SLC36A3: variants seen among roughly 807,000 people sequenced by gnomAD.
The protein encoded by SLC36A3 is solute carrier family 36 member 3.
SLC36A3 carries 35 observed loss-of-function variants against 44.3 expected under a neutral mutation model. That is an observed-to-expected ratio of 0.79 (90% CI 0.60 to 1.05). The LOEUF (loss-of-function observed/expected upper bound fraction) is 1.05, where lower values mean the gene tolerates loss of function less well. Ranked by LOEUF, SLC36A3 falls within the 50% of genes least tolerant of loss-of-function variation. The probability of loss-of-function intolerance (pLI) is 0.00; values close to 1 mark genes in which losing one functional copy is unlikely to be tolerated. For missense variants in SLC36A3, 540 were observed against 578.7 expected, an observed-to-expected ratio of 0.93 and a Z score of 0.69; for synonymous variants, 211 against 227.6, an observed-to-expected ratio of 0.93 and a Z score of 0.66.
chr5:151,292,643 A>G (rs1485951365), intron 4 of SLC36A3, among the ~76,000 whole-genome samples: 2 of 152,224 alleles, frequency 1.3e-5, no homozygotes, highest in Non-Finnish European at 2.9e-5. Flanking sequence ...GAATAAGCAA[A>G]TGAAACGGAT....
At chr5:151,283,874 G>A (rs78908472) in intron 8 of SLC36A3, among the ~76,000 whole-genome samples, 170 bp downstream of exon 8, 3 of 152,374 alleles carry the variant, frequency 2.0e-5, no homozygotes, top group East Asian at 3.9e-4. Context: ...TTGGAGTGAG[G>A]TGCGGCCATG....
At chr5:151,289,681 T>C (rs1754684643) in intron 4 of SLC36A3, among the ~76,000 whole-genome samples, 1 of 152,168 alleles carries the variant, frequency 6.6e-6, no homozygotes, top group African/African-American at 2.4e-5. Context: ...CCAATTGTCT[T>C]ATAGAACGCC....
intron 1 of SLC36A3, among the ~76,000 whole-genome samples, chr5:151,299,254 C>CTATA (rs1333895300): frequency 3.6e-4 from 31 of 87,134 alleles, no homozygotes; most frequent in East Asian, 8.8e-4. Context: ...CTCTCTCTCT[C>CTATA]TCTCTCTCTC....
rs771475003 is a variant in SLC36A3, at chr5:151,303,278, C to T, written c.77G>A (p.Ser26Asn). ...GACATTCTCTGAAGTAATGCTACTG[C>T]TGCTCTCTGAGGGTGACTGAGGTCC... ...DNGPQSPSES[S>N]SSITSENVHP... The change falls in exon 1 of 10, where the codon AGC becomes AAC. Residue 26 changes from serine to asparagine, a missense_variant. Physicochemically the swap from Ser to Asn is conservative, Grantham distance 46. Coordinates refer to ENST00000335230, the MANE Select transcript of SLC36A3 (RefSeq NM_181774.4). 63 of 1,613,998 alleles carry T rather than the reference C, an allele frequency of 3.9e-5. No individual in the cohort carries two copies. Among genetic ancestry groups the T allele is most frequent in the Non-Finnish European group, 5.0e-5 (59 of 1,180,010 alleles).
intron 4 of SLC36A3, among the ~76,000 whole-genome samples, chr5:151,291,452 G>A (rs1028468784): frequency 6.6e-6 from 1 of 151,720 alleles, no homozygotes; most frequent in Non-Finnish European, 1.5e-5. Context: ...TTTTTTCCTT[G>A]CAACTTTTAA....
At chr5:151,296,148 G>C (rs2127269874) in intron 3 of SLC36A3, 32 bp downstream of exon 3, 1 of 1,611,048 alleles carries the variant, frequency 6.2e-7, no homozygotes, top group Non-Finnish European at 8.5e-7. Context: ...AGGGGCCCCA[G>C]TGCTGGAATG....
At chr5:151,293,563 G>T in intron 3 of SLC36A3, 104 bp from the exon 4 acceptor site, 1 of 896,842 alleles carries the variant, frequency 1.1e-6, no homozygotes. Context: ...TGAGCATGAA[G>T]CCTTCTGTCA....
chr5:151,296,317 C>T (rs1361535499), intron 2 of SLC36A3, 49 bp from the exon 3 acceptor site: 1 of 1,502,940 alleles, frequency 6.7e-7, no homozygotes, highest in Non-Finnish European at 9.2e-7. Context: ...TGATCACTCC[C>T]ATTCCCTGGC....
chr5:151,292,115 C>T (rs1399605651), intron 4 of SLC36A3, among the ~76,000 whole-genome samples: 1 of 152,172 alleles, frequency 6.6e-6, no homozygotes, highest in African/African-American at 2.4e-5. Context: ...CCCACCTCAG[C>T]CTCCCAAAGT....
In SLC36A3 at chr5:151,289,817, T is replaced by C. The variant is rs1441027376; in HGVS notation, c.405-1347A>G. ...TCATATTGGGAGGCACATGATATCC[T>C]GTTGTTTTGCTTTGTTGGTGACTGC... is the stretch of plus-strand genomic sequence containing the variant. On this transcript the variant is annotated intron_variant, in intron 4 of 9. Coordinates refer to ENST00000335230, the MANE Select transcript of SLC36A3 (RefSeq NM_181774.4). Among the ~76,000 whole-genome samples the C allele has an allele frequency of 2.6e-5, 4 of 152,218 alleles. 1 individual carries two copies. The highest frequency in any genetic ancestry group is 2.9e-5 in the Non-Finnish European group (2 of 68,040).
intron 4 of SLC36A3, among the ~76,000 whole-genome samples, chr5:151,290,852 G>A (rs189751444): frequency 1.7e-3 from 256 of 151,870 alleles, no homozygotes; most frequent in African/African-American, 5.5e-3. Flanking sequence ...CCGAGATCGC[G>A]CCACTGCACT....
chr5:151,284,017 A>G lies in SLC36A3; in HGVS notation c.974+27T>C, dbSNP rs777977657. The G allele has an allele frequency of 1.6e-5, 25 of 1,590,030 alleles. No individual in the cohort carries two copies. The South Asian group carries it at 2.5e-4, about 16-fold the overall frequency. ...CAGAACAGTTCCAGTGTCTCTCCCT[A>G]TCTCACCTGAGGTGGGCAGGACATA... is the stretch of plus-strand genomic sequence containing the variant. On this transcript the variant is annotated intron_variant, in intron 8 of 9. Transcript: ENST00000335230.
chr5:151,282,806 A>G (rs1754372050), intron 8 of SLC36A3, among the ~76,000 whole-genome samples: 1 of 152,194 alleles, frequency 6.6e-6, no homozygotes, highest in Non-Finnish European at 1.5e-5. Flanking sequence ...GTCCTTGCCT[A>G]AACAGTGTGT....
intron 5 of SLC36A3, 82 bp from the exon 6 acceptor site, chr5:151,287,546 A>T (rs971342272): frequency 7.3e-7 from 1 of 1,361,894 alleles, no homozygotes; most frequent in Non-Finnish European, 1.0e-6. Context: ...CAGGTAATTA[A>T]TGTAACTTTT....
At chr5:151,283,599 T>C (rs1017049267) in intron 8 of SLC36A3, among the ~76,000 whole-genome samples, 6 of 152,250 alleles carry the variant, frequency 3.9e-5, no homozygotes, top group Admixed American at 3.9e-4. Flanking sequence ...TGGTTACATT[T>C]TTCTCATTCT....
intron 9 of SLC36A3, among the ~76,000 whole-genome samples, chr5:151,278,404 TTGAA>T (rs1239540532): frequency 5.3e-5 from 8 of 152,324 alleles, no homozygotes; most frequent in South Asian, 2.1e-4. Context: ...TCAATAATGT[TTGAA>T]TGAGTAAATA....
At chr5:151,284,334 C>A in intron 7 of SLC36A3, 124 bp from the exon 8 acceptor site, 5 of 943,846 alleles carry the variant, frequency 5.3e-6, no homozygotes, top group Non-Finnish European at 8.0e-6. Flanking sequence ...AGAAAGGGGA[C>A]TCTCCACATG....
At chr5:151,290,787 C>T (rs1393408998) in intron 4 of SLC36A3, among the ~76,000 whole-genome samples, 1 of 151,954 alleles carries the variant, frequency 6.6e-6, no homozygotes, top group Admixed American at 6.6e-5. Context: ...CCCAGCTACT[C>T]AGGAGGCTGA....
intron 9 of SLC36A3, among the ~76,000 whole-genome samples, chr5:151,278,569 T>C (rs1285763217): frequency 6.6e-6 from 1 of 152,214 alleles, no homozygotes; most frequent in East Asian, 1.9e-4. Context: ...ACTTGGGATA[T>C]CCATTACTTA....
Sources: gnomAD v4.1 joint callset for allele counts (sites outside exome capture counted in the v4.1 genomes callset) on GRCh38, gnomAD v4.1.1 for gene constraint, MANE v1.5 for transcripts, NCBI Gene and HGNC (gene_info 2026-07-23, HGNC 2026-07-21) for gene names.